Variants in CLMP observed in about 807,000 individuals in gnomAD.
CLMP encodes CXADR like cell adhesion molecule, also known as CXADR-like membrane protein.
Under a neutral mutation model 45.2 loss-of-function variants are expected in CLMP, and 27 were observed. The observed-to-expected ratio is 0.60, with a 90% confidence interval of 0.44 to 0.82. The LOEUF (loss-of-function observed/expected upper bound fraction) is 0.82, where lower values mean the gene tolerates loss of function less well. CLMP is among the 40% of genes least tolerant of loss of function. The pLI, the probability that CLMP is intolerant of heterozygous loss-of-function variation, is 0.00. For missense variants in CLMP, 403 were observed against 448.4 expected (o/e 0.90, Z 0.91); for synonymous variants, 167 against 171.4 (o/e 0.97, Z 0.20).
chr11:123,097,188 T>G (rs1042131541), intron 2 of CLMP, among the ~76,000 whole-genome samples: 1 of 151,908 alleles, frequency 6.6e-6, no homozygotes, highest in Non-Finnish European at 1.5e-5. Flanking sequence ...AGGGTCTTGC[T>G]GTATTGCCCA....
At chr11:123,128,891 A>G (rs918638902) in intron 1 of CLMP, among the ~76,000 whole-genome samples, 11 of 152,164 alleles carry the variant, frequency 7.2e-5, no homozygotes, top group African/African-American at 2.4e-4. Flanking sequence ...TACAATAGGT[A>G]TGATTTTTAT....
At chr11:123,167,694 A>AT (rs1458213975) in intron 1 of CLMP, among the ~76,000 whole-genome samples, 2 of 152,178 alleles carry the variant, frequency 1.3e-5, no homozygotes, top group East Asian at 3.9e-4. Flanking sequence ...ATGACCCTGG[A>AT]TTATAGCCCC....
At chr11:123,113,406 G>C (rs189903583) in intron 1 of CLMP, among the ~76,000 whole-genome samples, 20 of 152,318 alleles carry the variant, frequency 1.3e-4, no homozygotes, top group African/African-American at 4.3e-4. Context: ...GAGTCAAACT[G>C]TTTTAGGAAT....
chr11:123,115,721 T>C (rs1397609799), intron 1 of CLMP, among the ~76,000 whole-genome samples: 1 of 152,178 alleles, frequency 6.6e-6, no homozygotes. Flanking sequence ...GTTACTTGGG[T>C]GTGACCATTT....
intron 1 of CLMP, among the ~76,000 whole-genome samples, chr11:123,125,223 A>T (rs1860871779): frequency 2.0e-5 from 3 of 152,158 alleles, no homozygotes. Flanking sequence ...AGCTAAAGCA[A>T]GACTTTAAAG....
chr11:123,079,017 A>T (rs1865771739), intron 5 of CLMP, among the ~76,000 whole-genome samples: 1 of 152,032 alleles, frequency 6.6e-6, no homozygotes. Context: ...ACCTCAGGTG[A>T]TGCGCCCAGC....
intron 2 of CLMP, among the ~76,000 whole-genome samples, chr11:123,094,237 G>A (rs1053175649): frequency 1.3e-5 from 2 of 152,084 alleles, no homozygotes; most frequent in Non-Finnish European, 2.9e-5. Flanking sequence ...CTCATAAGTG[G>A]CTGAGATTAT....
intron 1 of CLMP, among the ~76,000 whole-genome samples, chr11:123,158,044 A>C (rs1861438818): frequency 6.6e-6 from 1 of 152,114 alleles, no homozygotes; most frequent in Non-Finnish European, 1.5e-5. Flanking sequence ...GCTTTCACAC[A>C]CATTACTCAA....
At chr11:123,098,049 G>T (rs1591456364) in intron 1 of CLMP, 97 bp from the exon 2 acceptor site, 1 of 1,053,624 alleles carries the variant, frequency 9.5e-7, no homozygotes, top group Middle Eastern at 2.6e-4. Flanking sequence ...GTTCCCGTGG[G>T]CAAGTGCATG....
intron 1 of CLMP, among the ~76,000 whole-genome samples, chr11:123,115,357 T>C (rs1451189243): frequency 6.6e-6 from 1 of 152,182 alleles, no homozygotes; most frequent in Non-Finnish European, 1.5e-5. Flanking sequence ...TAGAAATGTT[T>C]TTCAATTTAT....
intron 1 of CLMP, among the ~76,000 whole-genome samples, chr11:123,116,663 A>G (rs925324127): frequency 6.6e-6 from 1 of 152,238 alleles, no homozygotes; most frequent in African/African-American, 2.4e-5. Flanking sequence ...TATAGAATTA[A>G]AAATGCTTTC....
At chr11:123,156,534 C>T (rs1332357087) in intron 1 of CLMP, among the ~76,000 whole-genome samples, 2 of 151,868 alleles carry the variant, frequency 1.3e-5, no homozygotes, top group Admixed American at 6.6e-5. Flanking sequence ...AAGTGGTGGT[C>T]GGGGGGATTT....
At chr11:123,150,480 A>AAAGAAAGAAAGAAAGAGAAAGG (rs764502298) in intron 1 of CLMP, among the ~76,000 whole-genome samples, 13 of 40,962 alleles carry the variant, frequency 3.2e-4, no homozygotes, top group Non-Finnish European at 5.6e-4. Flanking sequence ...AGAAAGAAAG[A>AAAGAAAGAAAGAAAGAGAAAGG]AAGGAAGGAA....
rs1195236637 is a variant in CLMP, at chr11:123,150,609, G to GGAAT, written c.28+44303_28+44304insATTC. Among the ~76,000 whole-genome samples the GGAAT allele has an allele frequency of 2.7e-4, 26 of 94,646 alleles. 1 individual carries two copies. The highest frequency in any genetic ancestry group is 6.3e-3 in the Middle Eastern group (1 of 160). The allele number at this position is 94,646 out of a possible 152,430, so 62.1% of individuals were successfully genotyped here. On this transcript the variant is annotated intron_variant, in intron 1 of 6. Coordinates refer to ENST00000448775, the MANE Select transcript of CLMP (RefSeq NM_024769.5). ...AGGAAGGAAGGAAGGAAGGAATGAA[G>GGAAT]GAAGGAAGGAAGGAAAGGAAGGAAG...
intron 1 of CLMP, among the ~76,000 whole-genome samples, chr11:123,163,852 G>A (rs532183459): frequency 6.6e-6 from 1 of 152,196 alleles, no homozygotes; most frequent in African/African-American, 2.4e-5. Flanking sequence ...GAGATGTTGG[G>A]AGCTAGAGTG....
At chr11:123,109,341 G>A (rs553751555) in intron 1 of CLMP, among the ~76,000 whole-genome samples, 291 of 152,210 alleles carry the variant, frequency 1.9e-3, no homozygotes, top group African/African-American at 6.6e-3. Flanking sequence ...ATGTGAACCC[G>A]TGACTCAAAT....
chr11:123,091,099 C>G (rs894906387), intron 2 of CLMP, among the ~76,000 whole-genome samples: 2 of 151,818 alleles, frequency 1.3e-5, no homozygotes, highest in Admixed American at 6.6e-5. Flanking sequence ...CTCTCTCTTT[C>G]TTTGTTTCCT....
At position 123,140,773 on chromosome 11, in the gene CLMP, G is replaced by T. The variant is rs540373955; in HGVS notation, c.29-42821C>A. Among the ~76,000 whole-genome samples the T allele has an allele frequency of 2.0e-5, 3 of 152,174 alleles. No individual in the cohort carries two copies. The South Asian group carries it at 6.2e-4, about 32-fold the overall frequency. ...GGCCTCTATTCCCTACATGCTAGTT[G>T]CACCTATCCATACCCCCGATATGAT... On this transcript the variant is annotated intron_variant, in intron 1 of 6. Coordinates refer to ENST00000448775, the MANE Select transcript of CLMP (RefSeq NM_024769.5).
At chr11:123,187,134 G>A (rs1254640256) in intron 1 of CLMP, among the ~76,000 whole-genome samples, 3 of 152,184 alleles carry the variant, frequency 2.0e-5, no homozygotes, top group Non-Finnish European at 4.4e-5. Flanking sequence ...TAGATGCAGT[G>A]GCTGATGAGA....
Sources: allele counts gnomAD v4.1 joint callset (sites outside exome capture counted in the v4.1 genomes callset), GRCh38; gene constraint gnomAD v4.1.1; transcripts MANE v1.5; gene names NCBI Gene and HGNC (gene_info 2026-07-23, HGNC 2026-07-21).